The following HSPG2 variants were observed in gnomAD, a reference collection of about 807,000 sequenced individuals.
The protein encoded by HSPG2 is basement membrane-specific heparan sulfate proteoglycan core protein.
HSPG2 carries 278 observed loss-of-function variants against 526.6 expected under a neutral mutation model. The observed-to-expected ratio is 0.53, with a 90% CI of 0.48 to 0.58. HSPG2 has a LOEUF of 0.58. Among genes scored for constraint, HSPG2 ranks in the 20% least tolerant of loss-of-function variants. The probability of loss-of-function intolerance (pLI) is 0.00; values close to 1 mark genes in which losing one functional copy is unlikely to be tolerated. For synonymous variants in HSPG2, 2,465 were observed against 2,555.4 expected, an observed-to-expected ratio of 0.96 and a Z score of 1.07; for missense variants, 5,354 against 6,099.5, an observed-to-expected ratio of 0.88 and a Z score of 4.07.
Position 21,872,483 on chromosome 1 carries a change from C to A in HSPG2, c.4030-106G>T. 7.1e-7 allele frequency: 1 copy of A among 1,416,300 alleles called. No individual in the cohort carries two copies. Among genetic ancestry groups the A allele is most frequent in the East Asian group, 2.5e-5 (1 of 40,192 alleles). The allele number at this position is 1,416,300 out of a possible 1,614,324, so 87.7% of individuals were successfully genotyped here. A position where few individuals can be genotyped will look rare whatever the true frequency, so the allele number is the denominator to read the frequency against. On this transcript the variant is annotated intron_variant, in intron 32 of 96. Transcript: ENST00000374695. This position sits in a 1 kb window ranked among gnomAD's most constrained non-coding sequence, Gnocchi z 5.5. ...GTGCGGAATGGGGTCCTGTTGAGAT[C>A]AGGACTGCGAGAGAAATAATGGGGG...
intron 25 of HSPG2, chr1:21,875,292 G>A (rs1301293799): frequency 8.4e-6 from 5 of 594,916 alleles, no homozygotes; most frequent in African/African-American, 3.7e-5. Flanking sequence ...CTGAAAGAAC[G>A]ATCACTCTCC....
In HSPG2 at chr1:21,834,939, G is replaced by A; in HGVS notation, c.10460C>T (p.Pro3487Leu). Residue 3487 changes from proline (P) to leucine (L), a missense_variant, in exon 77 of 97, where the codon CCC becomes CTC. Coordinates refer to ENST00000374695, the MANE Select transcript of HSPG2 (RefSeq NM_005529.7). ...ASAQLVIQAL[P>L]SVLINIRTSV... is the part of the protein sequence containing the mutation. ...GGTCCGGATGTTGATGAGCACCGAG[G>A]GCAGGGCTGGGGAGGAGGGAGGCAG... The A allele has an allele frequency of 6.2e-7, 1 of 1,612,060 alleles. No homozygotes were observed. Among genetic ancestry groups the A allele is most frequent in the South Asian group, 1.1e-5 (1 of 91,072 alleles).
Position 21,884,889 on chromosome 1 carries a change from C to T in HSPG2, c.1385G>A (p.Gly462Asp). The T allele has an allele frequency of 6.2e-7, 1 of 1,613,998 alleles. No homozygotes were observed. The highest frequency in any genetic ancestry group is 8.5e-7 in the Non-Finnish European group (1 of 1,180,010). Residue 462 changes from glycine (G) to aspartate (D), a missense_variant, in exon 12 of 97, where the codon GGC (glycine) becomes GAC (aspartate). Physicochemically the swap from Gly to Asp is moderately conservative, Grantham distance 94. Transcript: ENST00000374695. ...RVTVTSEGGR[G>D]TLIIRDVKES... ...CTTCACATCACGGATGATCAGTGTG[C>T]CACGGCCACCCTCGCTGGTCACTGT...
At chr1:21,885,527 A>C in intron 9 of HSPG2, 76 bp from the exon 10 acceptor site, 36 of 1,562,492 alleles carry the variant, frequency 2.3e-5, no homozygotes, top group Non-Finnish European at 2.9e-5. Flanking sequence ...CCACTCTCTC[A>C]TCTTGCCCAC....
chr1:21,933,538 C>T (rs1644401329), intron 1 of HSPG2, among the ~76,000 whole-genome samples: 1 of 152,240 alleles, frequency 6.6e-6, no homozygotes, highest in Non-Finnish European at 1.5e-5. Flanking sequence ...GCCCTGAACC[C>T]AGTCACCTCC....
chr1:21,841,946 G>A, intron 69 of HSPG2, 56 bp downstream of exon 69: 3 of 1,605,808 alleles, frequency 1.9e-6, no homozygotes, highest in South Asian at 1.1e-5. Flanking sequence ...CAGTGGGGAT[G>A]ACGGCACCCC....
intron 1 of HSPG2, among the ~76,000 whole-genome samples, chr1:21,901,668 G>A (rs1643110129): frequency 6.6e-6 from 1 of 152,140 alleles, no homozygotes; most frequent in African/African-American, 2.4e-5. Flanking sequence ...CCCGCAGCTA[G>A]GCAGGAAGGT....
intron 1 of HSPG2, among the ~76,000 whole-genome samples, chr1:21,925,041 G>C (rs1021687428): frequency 6.6e-6 from 1 of 152,218 alleles, no homozygotes; most frequent in Non-Finnish European, 1.5e-5. Flanking sequence ...CCGGAGAGTA[G>C]GGACCATGCC....
intron 1 of HSPG2, among the ~76,000 whole-genome samples, chr1:21,903,964 C>T (rs557573351): frequency 3.9e-5 from 6 of 152,348 alleles, no homozygotes; most frequent in African/African-American, 1.2e-4. Flanking sequence ...GCTTCAGCTT[C>T]CTCATCCTTA....
chr1:21,919,247 G>A (rs533153503), intron 1 of HSPG2, among the ~76,000 whole-genome samples: 37 of 152,192 alleles, frequency 2.4e-4, no homozygotes, highest in African/African-American at 8.7e-4. Context: ...CCAACATGGT[G>A]AAACCCCGTC....
rs1638679165 is a variant in HSPG2 at position 21,849,034 on chromosome 1, G to A, written c.7447-3C>T. 6.2e-7 allele frequency: 1 copy of A among 1,613,708 alleles called. No individual in the cohort carries two copies. Among genetic ancestry groups the A allele is most frequent in the East Asian group, 2.2e-5 (1 of 44,886 alleles). On this transcript the variant is annotated splice_region_variant and splice_polypyrimidine_tract_variant and intron_variant, in intron 57 of 96. Transcript: ENST00000374695. The stretch of plus-strand genomic sequence containing the variant: ...AGGCGTAGCCTCGAGCCATGCACCT[G>A]GGAGGGTCAGGAGGGAGGAGGCAGG...
intron 1 of HSPG2, among the ~76,000 whole-genome samples, chr1:21,899,489 A>G (rs1642973046): frequency 6.6e-6 from 1 of 151,934 alleles, no homozygotes; most frequent in Admixed American, 6.6e-5. Flanking sequence ...GGGCAAAGAG[A>G]GCAGAGAAAG....
chr1:21,897,932 T>C (rs1642865756), intron 1 of HSPG2, among the ~76,000 whole-genome samples: 1 of 152,214 alleles, frequency 6.6e-6, no homozygotes, highest in African/African-American at 2.4e-5. Context: ...CTGTTCACAG[T>C]GACCTCAACC....
At chr1:21,863,077 A>AAACAAAAAAAAC (rs1639946103) in intron 37 of HSPG2, among the ~76,000 whole-genome samples, 1 of 142,438 alleles carries the variant, frequency 7.0e-6, no homozygotes, top group South Asian at 2.3e-4. Context: ...AAAAAAAAAA[A>AAACAAAAAAAAC]AAAAAAAAAA....
chr1:21,868,333 C>T (rs907334185), intron 33 of HSPG2, among the ~76,000 whole-genome samples: 9 of 152,206 alleles, frequency 5.9e-5, no homozygotes, highest in African/African-American at 2.2e-4. Flanking sequence ...CCACCACGCC[C>T]AGCCTGCTAT....
At chr1:21,897,020 G>A (rs970639451) in intron 1 of HSPG2, among the ~76,000 whole-genome samples, 1 of 152,186 alleles carries the variant, frequency 6.6e-6, no homozygotes, top group Non-Finnish European at 1.5e-5. Flanking sequence ...GCCGAGCCCA[G>A]GATAAGCTCC....
chr1:21,924,731 C>A (rs1232228945), intron 1 of HSPG2, among the ~76,000 whole-genome samples: 1 of 152,128 alleles, frequency 6.6e-6, no homozygotes, highest in Admixed American at 6.6e-5. Flanking sequence ...TCTTTCCCAA[C>A]CTTAACGACT....
intron 71 of HSPG2, 75 bp downstream of exon 71, chr1:21,841,025 CT>C: frequency 7.2e-7 from 1 of 1,390,024 alleles, no homozygotes; most frequent in South Asian, 1.2e-5. Context: ...CCATCCACTA[CT>C]ATCTCCTCCA....
chr1:21,880,596 G>A (rs1230348517), intron 15 of HSPG2, 37 bp from the exon 16 acceptor site: 1 of 1,607,966 alleles, frequency 6.2e-7, no homozygotes, highest in Non-Finnish European at 8.5e-7. Context: ...TCACACATCA[G>A]TGCCTACCCA....
Sources: allele counts gnomAD v4.1 joint callset (sites outside exome capture counted in the v4.1 genomes callset), GRCh38; gene constraint gnomAD v4.1.1; non-coding constraint Gnocchi (gnomAD v3.1); transcripts MANE v1.5; gene names NCBI Gene and HGNC (gene_info 2026-07-23, HGNC 2026-07-21).